Variants in SMIM45 observed in about 807,000 individuals in gnomAD.
The protein encoded by SMIM45 is small integral membrane protein 45.
chr22:41,953,315 G>A, the SMIM45 span, among the ~76,000 whole-genome samples: 1 of 152,102 alleles, frequency 6.6e-6, no homozygotes, highest in African/African-American at 2.4e-5. Flanking sequence ...AAGAGTGAGG[G>A]CTTCTCTCCG....
At chr22:41,955,851 G>A in the SMIM45 span, among the ~76,000 whole-genome samples, 1 of 151,744 alleles carries the variant, frequency 6.6e-6, no homozygotes, top group Non-Finnish European at 1.5e-5. Flanking sequence ...GGACGTGGGT[G>A]CTATTTCTAT....
the SMIM45 span, among the ~76,000 whole-genome samples, chr22:41,949,513 G>C: frequency 1.3e-5 from 2 of 152,256 alleles, no homozygotes; most frequent in Non-Finnish European, 2.9e-5. Context: ...AAGAACAGGG[G>C]AGGAGGTGAG....
the SMIM45 span, among the ~76,000 whole-genome samples, chr22:41,955,220 G>A: frequency 6.7e-6 from 1 of 149,772 alleles, no homozygotes; most frequent in Non-Finnish European, 1.5e-5. Flanking sequence ...CACTCTTGTT[G>A]CCCAGGCTGG....
the SMIM45 span, among the ~76,000 whole-genome samples, chr22:41,948,190 G>A: frequency 1.8e-4 from 27 of 152,168 alleles, no homozygotes; most frequent in African/African-American, 6.3e-4. Flanking sequence ...TAGAGACTTT[G>A]TCACTTTGTA....
chr22:41,948,625 GA>G, the SMIM45 span, among the ~76,000 whole-genome samples: 1 of 152,074 alleles, frequency 6.6e-6, no homozygotes, highest in African/African-American at 2.4e-5. Flanking sequence ...ACTATGACAA[GA>G]AAATAAAGTA....
chr22:41,953,632 T>G, the SMIM45 span, among the ~76,000 whole-genome samples: 1 of 151,388 alleles, frequency 6.6e-6, no homozygotes, highest in Admixed American at 6.6e-5. Flanking sequence ...CAGGCAGAGG[T>G]GGGCTCCTCA....
the SMIM45 span, chr22:41,958,700 C>G: frequency 4.3e-6 from 1 of 234,838 alleles, no homozygotes; most frequent in Non-Finnish European, 8.7e-6. Flanking sequence ...AAGACTGTGG[C>G]AGCAGGCAGG....
chr22:41,955,276 T>C, the SMIM45 span, among the ~76,000 whole-genome samples: 1 of 151,100 alleles, frequency 6.6e-6, no homozygotes. Context: ...ACCTCCTGGG[T>C]TCAAGCAACT....
At chr22:41,953,254 C>T in the SMIM45 span, among the ~76,000 whole-genome samples, 2 of 152,142 alleles carry the variant, frequency 1.3e-5, no homozygotes, top group Non-Finnish European at 2.9e-5. Flanking sequence ...CTCACAGGCC[C>T]ACCTGGGAGT....
chr22:41,947,126 A>G, the SMIM45 span: 1 of 1,589,156 alleles, frequency 6.3e-7, no homozygotes, highest in East Asian at 2.3e-5. Context: ...CGATCTTTCA[A>G]ACCGCCCTGA....
the SMIM45 span, among the ~76,000 whole-genome samples, chr22:41,955,623 G>A: frequency 6.6e-6 from 1 of 151,746 alleles, no homozygotes; most frequent in Non-Finnish European, 1.5e-5. Context: ...TGGCTAACAC[G>A]GTGAAACCCC....
chr22:41,958,065 G>A, the SMIM45 span: 2 of 301,550 alleles, frequency 6.6e-6, no homozygotes, highest in East Asian at 1.8e-4. Flanking sequence ...TGGCAGTGGA[G>A]GTGGGGCACT....
chr22:41,955,564 T>C, the SMIM45 span, among the ~76,000 whole-genome samples: 1 of 149,652 alleles, frequency 6.7e-6, no homozygotes, highest in Non-Finnish European at 1.5e-5. Context: ...CCCAGCACTT[T>C]GGGAGGCCGA....
At chr22:41,958,292 C>T in the SMIM45 span, 1 of 456,702 alleles carries the variant, frequency 2.2e-6, no homozygotes, top group Non-Finnish European at 4.4e-6. Flanking sequence ...TGCCTCCACT[C>T]AATGGCACCG....
chr22:41,954,202 ATTT>A, the SMIM45 span, among the ~76,000 whole-genome samples: 6 of 104,536 alleles, frequency 5.7e-5, no homozygotes, highest in African/African-American at 8.3e-5. Flanking sequence ...GGTACTTTGA[ATTT>A]TTTTTTTTTT....
chr22:41,954,746 G>A, the SMIM45 span, among the ~76,000 whole-genome samples: 1 of 152,116 alleles, frequency 6.6e-6, no homozygotes, highest in Non-Finnish European at 1.5e-5. Context: ...GGTGGCTCAT[G>A]CCTGTAATCC....
At chr22:41,947,284 G>C in the SMIM45 span, 1 of 589,842 alleles carries the variant, frequency 1.7e-6, no homozygotes, top group Admixed American at 2.9e-5. Flanking sequence ...GTGGTGGACA[G>C]GCCTTTGGTT....
the SMIM45 span, chr22:41,947,057 A>G: frequency 6.2e-7 from 1 of 1,612,860 alleles, no homozygotes; most frequent in Non-Finnish European, 8.5e-7. Flanking sequence ...CAGCTTGTCC[A>G]GGGGCCTCAA....
At chr22:41,952,837 C>T in the SMIM45 span, among the ~76,000 whole-genome samples, 72 of 152,288 alleles carry the variant, frequency 4.7e-4, no homozygotes, top group Admixed American at 6.5e-4. Flanking sequence ...GCCCTCCATT[C>T]GCATGTTTAA....
Sources: gnomAD v4.1 joint callset for allele counts (sites outside exome capture counted in the v4.1 genomes callset) on GRCh38, gnomAD v4.1.1 for gene constraint, MANE v1.5 for transcripts, NCBI Gene and HGNC (gene_info 2026-07-23, HGNC 2026-07-21) for gene names.